NAV1: variants seen among roughly 807,000 people sequenced by gnomAD.
The protein encoded by NAV1 is pore membrane and/or filament interacting like protein 3.
A neutral mutation model predicts 175.2 loss-of-function variants in NAV1; 18 were observed. That is an observed-to-expected ratio of 0.10 (90% CI 0.07 to 0.15). The LOEUF is 0.15. Among genes scored for constraint, NAV1 ranks in the 10% least tolerant of loss-of-function variants. The pLI is 1.00. For synonymous variants in NAV1, 897 were observed against 978.7 expected (o/e 0.92, Z 1.56); for missense variants, 1,731 against 2,436.6 (o/e 0.71, Z 6.10).
chr1:201,575,605 G>A lies in NAV1; in HGVS notation c.-143-12934G>A, dbSNP rs554587667. Among the ~76,000 whole-genome samples the A allele has an allele frequency of 3.3e-5, 5 of 152,248 alleles. No individual in the cohort carries two copies. In the South Asian group the frequency reaches 8.3e-4, roughly 25 times the overall value. On this transcript the variant is annotated intron_variant, in intron 1 of 33. Transcript: ENST00000685211. ...AGTCTGTTGGAGGAAATGTTCAGGGGCCCCTTAAATTGGAAGGAAAATCCA... is the reference window on the plus strand; with the variant it reads ...AGTCTGTTGGAGGAAATGTTCAGGGACCCCTTAAATTGGAAGGAAAATCCA...
At chr1:201,729,677 C>T (rs563691913) in intron 3 of NAV1, among the ~76,000 whole-genome samples, 258 of 151,970 alleles carry the variant, frequency 1.7e-3, no homozygotes, top group African/African-American at 6.0e-3. Context: ...GAGGCCGAGG[C>T]GGGCAGATCA....
exon 30 of NAV1, chr1:201,820,024 G>A: frequency 8.3e-7 from 1 of 1,207,474 alleles, no homozygotes; most frequent in South Asian, 1.2e-5. Flanking sequence ...CAGAGCACTG[G>A]CTCTCCAGCC....
At chr1:201,587,352 G>T (rs1667064469) in intron 1 of NAV1, among the ~76,000 whole-genome samples, 1 of 151,976 alleles carries the variant, frequency 6.6e-6, no homozygotes, top group African/African-American at 2.4e-5. Context: ...AAACATATTT[G>T]TAAATCACAT....
chr1:201,821,131 G>T (rs1284925959), exon 30 of NAV1: 1 of 152,590 alleles, frequency 6.6e-6, no homozygotes, highest in Non-Finnish European at 1.5e-5. Flanking sequence ...CTTGATAGAA[G>T]AGTTACTCCG....
At chr1:201,698,047 G>C (rs1671260918) in intron 1 of NAV1, among the ~76,000 whole-genome samples, 1 of 152,212 alleles carries the variant, frequency 6.6e-6, no homozygotes, top group African/African-American at 2.4e-5. Flanking sequence ...ATTTGACAAA[G>C]ACTCTCTAGC....
rs1270330174 is a variant in NAV1 at position 201,740,532 on chromosome 1, A to G, written c.1226+21777A>G. Among the ~76,000 whole-genome samples, 1 of 152,048 alleles carries G rather than the reference A, an allele frequency of 6.6e-6. No homozygotes were observed. The highest frequency in any genetic ancestry group is 6.5e-5 in the Admixed American group (1 of 15,274). On this transcript the variant is annotated intron_variant, in intron 3 of 29. Transcript: ENST00000367296. The surrounding 1 kb of genome is among the most constrained non-coding windows in gnomAD (Gnocchi z 4.7). ...TTGCAGCCCCAGGTCGGCCCTGCCA[A>G]GGTCACCCTAGTTCCGGAAGCTCCG...
intron 2 of NAV1, among the ~76,000 whole-genome samples, chr1:201,642,011 C>T (rs555471270): frequency 7.0e-4 from 105 of 150,100 alleles, no homozygotes; most frequent in Middle Eastern, 3.4e-3. Context: ...TCCCTTCCTT[C>T]TCTCTTTCTT....
chr1:201,542,959 T>C (rs1665557493), intron 1 of NAV1, among the ~76,000 whole-genome samples: 1 of 152,228 alleles, frequency 6.6e-6, no homozygotes, highest in African/African-American at 2.4e-5. Context: ...CACAGCTGAT[T>C]TTTGTGTGTT....
chr1:201,600,423 A>G (rs1480157423), intron 2 of NAV1, among the ~76,000 whole-genome samples: 1 of 152,248 alleles, frequency 6.6e-6, no homozygotes, highest in African/African-American at 2.4e-5. Context: ...CTCTTCAAAC[A>G]TGGATCCTGG....
At chr1:201,786,624 C>T in intron 9 of NAV1, 47 bp downstream of exon 13, 1 of 1,577,880 alleles carries the variant, frequency 6.3e-7, no homozygotes, top group Non-Finnish European at 8.6e-7. Flanking sequence ...AAGCAGGGGT[C>T]ACCCTGCAGG....
At chr1:201,785,278 C>T (rs1415583913) in intron 7 of NAV1, 32 bp from the exon 12 acceptor site, 1 of 1,471,390 alleles carries the variant, frequency 6.8e-7, no homozygotes, top group Non-Finnish European at 9.0e-7. Flanking sequence ...TTCTCTCTCT[C>T]TCTCTTTTTT....
intron 1 of NAV1, among the ~76,000 whole-genome samples, chr1:201,695,055 C>T (rs1364257851): frequency 5.9e-5 from 9 of 152,218 alleles, no homozygotes; most frequent in African/African-American, 1.9e-4. Context: ...GTGCTCATGT[C>T]GCTTGTCCAC....
chr1:201,768,150 C>T (rs1245849491), intron 3 of NAV1, among the ~76,000 whole-genome samples: 2 of 151,890 alleles, frequency 1.3e-5, no homozygotes, highest in Non-Finnish European at 2.9e-5. Context: ...CATGGTGAAA[C>T]CCCATCTCTA....
At chr1:201,652,083 G>A (rs1669225865) in intron 1 of NAV1, among the ~76,000 whole-genome samples, 1 of 152,084 alleles carries the variant, frequency 6.6e-6, no homozygotes, top group African/African-American at 2.4e-5. Context: ...GGCCCTCAGT[G>A]TACAGCAGGG....
chr1:201,560,701 G>A (rs181951049), intron 1 of NAV1, among the ~76,000 whole-genome samples: 1 of 152,358 alleles, frequency 6.6e-6, no homozygotes, highest in East Asian at 1.9e-4. Flanking sequence ...AGACACTGAT[G>A]TTTGTACAGA....
chr1:201,577,747 G>A (rs1344287311), intron 1 of NAV1, among the ~76,000 whole-genome samples: 1 of 152,046 alleles, frequency 6.6e-6, no homozygotes, highest in Non-Finnish European at 1.5e-5. Context: ...TATTCCTGAA[G>A]AATATTTTTA....
At position 201,739,885 on chromosome 1, in the gene NAV1, G is replaced by A. The variant is rs1353057011; in HGVS notation, c.1226+21130G>A. 7.8e-6 allele frequency: 10 copies of A among 1,285,666 alleles called. No individual in the cohort carries two copies. The Admixed American group carries it at 1.2e-4, about 16-fold the overall frequency. 79.6% of individuals were successfully genotyped at this position (1,285,666 alleles called of 1,614,324 possible). ...GGTGGTGGGGAGAAAAGGGAGCGGA[G>A]GGCAGGCGAGGGTTAGGTTTCCGAC... On this transcript the variant is annotated intron_variant, in intron 3 of 29. Coordinates refer to ENST00000367296, the Ensembl canonical transcript of NAV1.
Position 201,795,782 on chromosome 1 carries a change from C to T in NAV1, c.3517+1205C>T, listed in dbSNP as rs577763746. 4.1e-5 allele frequency: 6 copies of T among 145,138 alleles called. No individual in the cohort carries two copies. In the South Asian group the frequency reaches 1.1e-3, roughly 27 times the overall value. The allele number at this position is 145,138 out of a possible 1,614,324, so 9.0% of individuals were successfully genotyped here. A position where few individuals can be genotyped will look rare whatever the true frequency, so the allele number is the denominator to read the frequency against. On this transcript the variant is annotated intron_variant, in intron 15 of 29. Coordinates refer to ENST00000367296, the Ensembl canonical transcript of NAV1. The stretch of plus-strand genomic sequence containing the variant: ...TTTTTTTTTGAGTCGGAGTCTCACT[C>T]TGTTGCCCAGGCTGGAGTGCAGTGG...
At chr1:201,653,545 T>C (rs1185380792) in intron 1 of NAV1, among the ~76,000 whole-genome samples, 2 of 152,228 alleles carry the variant, frequency 1.3e-5, no homozygotes, top group African/African-American at 4.8e-5. Context: ...GAATGTGCTC[T>C]GGGATACTTT....
Sources: allele counts gnomAD v4.1 joint callset (sites outside exome capture counted in the v4.1 genomes callset), GRCh38; gene constraint gnomAD v4.1.1; non-coding constraint Gnocchi (gnomAD v3.1); transcripts MANE v1.5; gene names NCBI Gene and HGNC (gene_info 2026-07-23, HGNC 2026-07-21).